Variants in SPATA13 observed in about 807,000 individuals in gnomAD.
The protein encoded by SPATA13 is spermatogenesis-associated protein 13.
SPATA13 carries 50 observed loss-of-function variants against 104.0 expected under a neutral mutation model. The ratio of observed to expected loss-of-function variants is 0.48; its 90% CI spans 0.38 to 0.61. SPATA13 has a LOEUF of 0.61. SPATA13 is among the 20% of genes least tolerant of loss of function. SPATA13 has a pLI of 0.00. For synonymous variants in SPATA13, 606 were observed against 667.5 expected (o/e 0.91, Z 1.42); for missense variants, 1,524 against 1,690.6 (o/e 0.90, Z 1.73).
At chr13:24,191,271 C>A (rs1421764651) in intron 1 of SPATA13, among the ~76,000 whole-genome samples, 3 of 152,064 alleles carry the variant, frequency 2.0e-5, no homozygotes, top group Non-Finnish European at 4.4e-5. Flanking sequence ...CCATCTTGCC[C>A]AGCCATATTT....
intron 1 of SPATA13, among the ~76,000 whole-genome samples, chr13:24,222,180 C>T (rs987562972): frequency 9.2e-5 from 14 of 152,136 alleles, no homozygotes; most frequent in Admixed American, 3.3e-4. Context: ...GGAAAAAGAC[C>T]CCCACCAATG....
chr13:24,166,278 T>G (rs372136276), intron 1 of SPATA13, among the ~76,000 whole-genome samples: 1 of 152,144 alleles, frequency 6.6e-6, no homozygotes, highest in African/African-American at 2.4e-5. Flanking sequence ...GAGGCCCATA[T>G]GTAAAAGCAA....
chr13:24,048,704 A>G (rs4770560), intron 3 of SPATA13, among the ~76,000 whole-genome samples: 36,982 of 152,054 alleles, frequency 0.24, 4,653 homozygotes, highest in African/African-American at 0.3. Flanking sequence ...AATAAATTGT[A>G]TAAAGACCCA....
chr13:24,060,138 G>A, intron 3 of SPATA13, among the ~76,000 whole-genome samples: 1 of 152,196 alleles, frequency 6.6e-6, no homozygotes, highest in East Asian at 1.9e-4. Context: ...TAAGCAAAAA[G>A]GACAAAGCTG....
chr13:24,010,792 T>C lies in SPATA13; in HGVS notation c.-146-6875T>C, dbSNP rs1876438912. Among the ~76,000 whole-genome samples, 3 of 152,012 alleles carry C rather than the reference T, an allele frequency of 2.0e-5. No individual in the cohort carries two copies. In the South Asian group the frequency reaches 6.2e-4, roughly 32 times the overall value. ...GTCTTGGCAAGCAAGGCAGGGCCAG[T>C]GCCTTGTTGGTGGATCTGAGGGCCC... On this transcript the variant is annotated intron_variant, in intron 2 of 14. Transcript: ENST00000424834.
intron 3 of SPATA13, among the ~76,000 whole-genome samples, chr13:24,250,107 C>T (rs147501768): frequency 1.5e-3 from 228 of 152,114 alleles, no homozygotes; most frequent in African/African-American, 5.4e-3. Flanking sequence ...TTCTGAATAA[C>T]CTGAGATTCT....
chr13:24,020,855 G>A (rs1434614077), intron 3 of SPATA13, among the ~76,000 whole-genome samples: 4 of 152,108 alleles, frequency 2.6e-5, no homozygotes, highest in African/African-American at 4.8e-5. Context: ...CAGCCTGGCC[G>A]AGATGGTGAA....
chr13:24,040,504 C>T (rs148323374), intron 3 of SPATA13, among the ~76,000 whole-genome samples: 63 of 152,262 alleles, frequency 4.1e-4, no homozygotes, highest in African/African-American at 1.5e-3. Context: ...TCTACAGACA[C>T]ACAGATGGGG....
At chr13:24,277,024 C>G (rs904682320) in intron 4 of SPATA13, among the ~76,000 whole-genome samples, 6 of 152,186 alleles carry the variant, frequency 3.9e-5, no homozygotes, top group African/African-American at 1.4e-4. Context: ...GTATGTGACA[C>G]TTTAAAAAGT....
At chr13:24,114,357 G>A (rs551151890) in intron 3 of SPATA13, among the ~76,000 whole-genome samples, 4 of 152,368 alleles carry the variant, frequency 2.6e-5, no homozygotes, top group African/African-American at 7.2e-5. Flanking sequence ...CAGTGTGCAC[G>A]TGTGTGCCTG....
chr13:24,076,215 T>C (rs2137772110), intron 3 of SPATA13, among the ~76,000 whole-genome samples: 1 of 152,314 alleles, frequency 6.6e-6, no homozygotes, highest in African/African-American at 2.4e-5. Context: ...TTTTATCATT[T>C]AAGAACTGCC....
intron 1 of SPATA13, among the ~76,000 whole-genome samples, chr13:24,202,520 C>CTT (rs10608738): frequency 5.7e-5 from 5 of 88,356 alleles, no homozygotes; most frequent in African/African-American, 1.2e-4. Context: ...CTTTCTTTCC[C>CTT]TTTTTTTTTT....
intron 2 of SPATA13, among the ~76,000 whole-genome samples, chr13:24,004,069 G>T (rs1876107643): frequency 1.3e-5 from 2 of 152,086 alleles, no homozygotes; most frequent in African/African-American, 4.8e-5. Context: ...GGCACTCCTG[G>T]GCTTTGGTCT....
chr13:24,087,751 C>G (rs1290278915), intron 3 of SPATA13, among the ~76,000 whole-genome samples: 1 of 152,208 alleles, frequency 6.6e-6, no homozygotes, highest in Non-Finnish European at 1.5e-5. Flanking sequence ...GCTCTTTGAT[C>G]TACAACTTGG....
At chr13:24,103,014 C>A (rs12583123) in intron 3 of SPATA13, among the ~76,000 whole-genome samples, 123,112 of 152,034 alleles carry the variant, frequency 0.81, 52,234 homozygotes, top group Non-Finnish European at 0.94. Flanking sequence ...GTTTTCCCAG[C>A]ACCTTTTGTT....
intron 3 of SPATA13, among the ~76,000 whole-genome samples, chr13:24,073,962 C>T (rs1352468583): frequency 6.6e-6 from 1 of 152,228 alleles, no homozygotes; most frequent in African/African-American, 2.4e-5. Flanking sequence ...TGTACAGCTG[C>T]TACTCCCTGT....
chr13:24,030,132 C>T (rs2137714446), intron 3 of SPATA13, among the ~76,000 whole-genome samples: 1 of 152,040 alleles, frequency 6.6e-6, no homozygotes, highest in Non-Finnish European at 1.5e-5. Context: ...CATCCACATC[C>T]CCCACAGCGT....
chr13:24,090,179 G>C (rs9580861), intron 3 of SPATA13, among the ~76,000 whole-genome samples: 1 of 151,868 alleles, frequency 6.6e-6, no homozygotes, highest in African/African-American at 2.4e-5. Context: ...TTTCCCCCCA[G>C]TTCTCTGCAC....
At chr13:24,096,495 A>C (rs1335441890) in intron 3 of SPATA13, among the ~76,000 whole-genome samples, 1 of 152,130 alleles carries the variant, frequency 6.6e-6, no homozygotes, top group Non-Finnish European at 1.5e-5. Context: ...GCTACTCGGG[A>C]GGCTGAGGCA....
Sources: gnomAD v4.1 joint callset for allele counts (sites outside exome capture counted in the v4.1 genomes callset) on GRCh38, gnomAD v4.1.1 for gene constraint, MANE v1.5 for transcripts, NCBI Gene and HGNC (gene_info 2026-07-23, HGNC 2026-07-21) for gene names.